EVC2: variants seen among roughly 807,000 people sequenced by gnomAD.
EVC2 encodes the protein limbin.
EVC2 carries 148 observed loss-of-function variants against 149.3 expected under a neutral mutation model. The observed-to-expected ratio is 0.99, with a 90% confidence interval of 0.87 to 1.14. The LOEUF is 1.14. Among genes scored for constraint, EVC2 ranks in the 50% most tolerant of loss-of-function variants. EVC2 has a pLI of 0.00. For synonymous variants in EVC2, 776 were observed against 649.9 expected (o/e 1.19, Z -2.95); for missense variants, 1,854 against 1,627.3 (o/e 1.14, Z -2.40).
At chr4:5,663,306 A>T (rs1168031303) in intron 8 of EVC2, 60 bp from the exon 9 acceptor site, 1 of 1,610,296 alleles carries the variant, frequency 6.2e-7, no homozygotes, top group Non-Finnish European at 8.5e-7. Flanking sequence ...CCACGTGCTG[A>T]GAAAGCCAGG....
intron 1 of EVC2, among the ~76,000 whole-genome samples, chr4:5,707,543 C>A (rs572531312): frequency 5.4e-4 from 82 of 152,034 alleles, no homozygotes; most frequent in Non-Finnish European, 1.1e-3. Flanking sequence ...GGACAGACCA[C>A]CCCAGAGGTC....
At chr4:5,673,899 C>T (rs951591231) in intron 7 of EVC2, among the ~76,000 whole-genome samples, 2 of 152,190 alleles carry the variant, frequency 1.3e-5, no homozygotes, top group Non-Finnish European at 2.9e-5. Flanking sequence ...CTATTTTATT[C>T]TTCCAACTTT....
chr4:5,694,111 G>A (rs1233038789), intron 3 of EVC2, among the ~76,000 whole-genome samples: 2 of 152,194 alleles, frequency 1.3e-5, no homozygotes, highest in African/African-American at 2.4e-5. Context: ...GCAGCCTAAT[G>A]CTGAGTCAAA....
At chr4:5,667,200 T>C (rs1025940971) in intron 7 of EVC2, among the ~76,000 whole-genome samples, 2 of 152,114 alleles carry the variant, frequency 1.3e-5, no homozygotes. Flanking sequence ...ATAAAAATAA[T>C]GTGCATATAT....
At chr4:5,666,534 CT>C (rs918636288) in intron 7 of EVC2, among the ~76,000 whole-genome samples, 7 of 152,128 alleles carry the variant, frequency 4.6e-5, no homozygotes, top group Admixed American at 2.6e-4. Context: ...CATGGCCTAT[CT>C]TTTTTCTTCC....
intron 9 of EVC2, among the ~76,000 whole-genome samples, chr4:5,654,694 T>C (rs542018614): frequency 5.3e-5 from 8 of 152,130 alleles, no homozygotes; most frequent in African/African-American, 1.9e-4. Flanking sequence ...TGGGCGTGCA[T>C]GGTTAATCCA....
In EVC2 at chr4:5,681,251, G is replaced by A. The variant is rs749270873; in HGVS notation, c.870+9C>T. The A allele has an allele frequency of 3.1e-6, 5 of 1,614,092 alleles. No individual in the cohort carries two copies. Among genetic ancestry groups the A allele is most frequent in the Non-Finnish European group, 3.4e-6 (4 of 1,180,018 alleles). On this transcript the variant is annotated intron_variant, in intron 7 of 21. Transcript: ENST00000344408. Reference sequence around the variant, plus strand: ...CCTGAGGGTGCTCAGGGCATGTCATGTCTCTTACCGTTACGTTTTCTTCTG... The same window carrying A: ...CCTGAGGGTGCTCAGGGCATGTCATATCTCTTACCGTTACGTTTTCTTCTG...
downstream of EVC2, among the ~76,000 whole-genome samples, chr4:5,540,074 C>T (rs1721488239): frequency 6.6e-6 from 1 of 152,136 alleles, no homozygotes; most frequent in African/African-American, 2.4e-5. Flanking sequence ...GACACTCCAC[C>T]AAAGAAGACA....
intron 7 of EVC2, among the ~76,000 whole-genome samples, chr4:5,678,529 A>G (rs1336584455): frequency 1.3e-5 from 2 of 152,224 alleles, no homozygotes; most frequent in African/African-American, 4.8e-5. Flanking sequence ...TCACCTAACA[A>G]GGAAGAGATG....
chr4:5,587,731 GGGGTCCATGTGAGA>G (rs2108792598), intron 16 of EVC2, among the ~76,000 whole-genome samples: 1 of 152,278 alleles, frequency 6.6e-6, no homozygotes, highest in African/African-American at 2.4e-5. Flanking sequence ...CAACTCTAAG[GGGGTCCATGTGAGA>G]GGGTCGTGAT....
downstream of EVC2, among the ~76,000 whole-genome samples, chr4:5,538,402 A>C (rs1333736976): frequency 6.6e-6 from 1 of 152,206 alleles, no homozygotes; most frequent in Non-Finnish European, 1.5e-5. Flanking sequence ...TAAGGAAGAA[A>C]TAATACCAAT....
At chr4:5,674,315 C>T (rs558571109) in intron 7 of EVC2, among the ~76,000 whole-genome samples, 4 of 152,312 alleles carry the variant, frequency 2.6e-5, no homozygotes, top group African/African-American at 7.2e-5. Flanking sequence ...GAACACATCA[C>T]ACAGCATGAT....
chr4:5,697,078 C>T (rs781505378), intron 2 of EVC2, among the ~76,000 whole-genome samples: 1 of 152,164 alleles, frequency 6.6e-6, no homozygotes, highest in Non-Finnish European at 1.5e-5. Flanking sequence ...TGGAGGAGGG[C>T]AGTATCCCCA....
intron 16 of EVC2, among the ~76,000 whole-genome samples, chr4:5,611,077 G>C (rs1191204825): frequency 6.6e-6 from 1 of 152,122 alleles, no homozygotes; most frequent in Non-Finnish European, 1.5e-5. Context: ...GCATCATGGA[G>C]ATCCTCAGAT....
chr4:5,595,381 T>G (rs1478178859), intron 16 of EVC2, among the ~76,000 whole-genome samples: 2 of 152,156 alleles, frequency 1.3e-5, no homozygotes, highest in African/African-American at 4.8e-5. Flanking sequence ...AGGCAGAAAC[T>G]CTACAAGCCA....
In EVC2 at chr4:5,618,616, A is replaced by G. The variant is rs745525669; in HGVS notation, c.2568T>C (p.His856=). The change falls in exon 15 of 22, where the codon CAT becomes CAC. Residue 856 remains histidine, a synonymous_variant. Transcript: ENST00000344408. This position sits in a 1 kb window ranked among gnomAD's most constrained non-coding sequence, Gnocchi z 4.4. ...TCCTGTCCATCTGAGCAAAGCAGCC[A>G]TGGACCTCCTGCCTCATCCTGAGCA... ...EELLRMRQEV[H]GCFAQMDRSL... 6.2e-7 allele frequency: 1 copy of G among 1,613,526 alleles called. No homozygotes were observed. Among genetic ancestry groups the G allele is most frequent in the Non-Finnish European group, 8.5e-7 (1 of 1,179,784 alleles).
At chr4:5,589,021 A>G (rs747510339) in intron 16 of EVC2, among the ~76,000 whole-genome samples, 1 of 152,202 alleles carries the variant, frequency 6.6e-6, no homozygotes, top group Admixed American at 6.5e-5. Flanking sequence ...TTTTCTCCTC[A>G]TGAGGAGTTA....
At position 5,597,852 on chromosome 4, in the gene EVC2, T is replaced by C. The variant is rs1443338531; in HGVS notation, c.2830-13002A>G. Among the ~76,000 whole-genome samples the C allele has an allele frequency of 6.2e-5, 7 of 113,732 alleles. No individual in the cohort carries two copies. In the South Asian group the frequency reaches 1.4e-3, roughly 23 times the overall value. The allele number at this position is 113,732 out of a possible 152,430, so 74.6% of individuals were successfully genotyped here. ...TCAGCCCAAAATCTCCTTAAGCTGA[T>C]AAGCAACTTCAGCAAAGTCTCAGGA... On this transcript the variant is annotated intron_variant, in intron 16 of 21. Transcript: ENST00000344408.
At chr4:5,654,025 C>T (rs1718329280) in intron 9 of EVC2, among the ~76,000 whole-genome samples, 1 of 152,114 alleles carries the variant, frequency 6.6e-6, no homozygotes, top group Non-Finnish European at 1.5e-5. Context: ...ACCAGCCTGG[C>T]CAACATGGTG....
Sources: allele counts gnomAD v4.1 joint callset (sites outside exome capture counted in the v4.1 genomes callset), GRCh38; gene constraint gnomAD v4.1.1; non-coding constraint Gnocchi (gnomAD v3.1); transcripts MANE v1.5; gene names NCBI Gene and HGNC (gene_info 2026-07-23, HGNC 2026-07-21).